Variants in TTBK1 observed in about 807,000 individuals in gnomAD.
TTBK1 encodes tau tubulin kinase 1.
TTBK1 carries 34 observed loss-of-function variants against 108.5 expected under a neutral mutation model. The ratio of observed to expected loss-of-function variants is 0.31; its 90% confidence interval spans 0.24 to 0.42. The LOEUF (loss-of-function observed/expected upper bound fraction) is 0.42. Ranked by LOEUF, TTBK1 falls within the 10% of genes least tolerant of loss-of-function variation. The probability of loss-of-function intolerance (pLI) is 1.00; values close to 1 mark genes in which losing one functional copy is unlikely to be tolerated. For synonymous variants in TTBK1, 809 were observed against 795.1 expected (o/e 1.02, Z -0.29); for missense variants, 1,539 against 1,826.0 (o/e 0.84, Z 2.86).
chr6:43,283,754 C>T lies in TTBK1; in HGVS notation c.3014C>T (p.Thr1005Ile), dbSNP rs756892469. ...GCCCTGTCTGGGGCCCCCCGGGAAA[C>T]CCCCTCAGAGATGGCCACAAACTCA... Reference protein sequence around the residue: ...GSALSGAPRETPSEMATNSLP... With the variant: ...GSALSGAPREIPSEMATNSLP... The change falls in exon 14 of 15, where the codon ACC becomes ATC. Residue 1005 changes from threonine to isoleucine, a missense_variant. Coordinates refer to ENST00000259750, the MANE Select transcript of TTBK1 (RefSeq NM_032538.3). The surrounding 1 kb of genome is among the most constrained non-coding windows in gnomAD (Gnocchi z 8.1). 6 of 1,613,668 alleles carry T rather than the reference C, an allele frequency of 3.7e-6. No homozygotes were observed. The highest frequency in any genetic ancestry group is 3.3e-5 in the South Asian group (3 of 91,092).
In TTBK1 at chr6:43,287,562, T is replaced by A. The variant is rs1309374892; in HGVS notation, c.*2186T>A. ...TTGGGATTCCAAACCTCCCTAGGGCTCCCAACTGACCTCAGGCCTCTGAGT... is the reference window on the plus strand; with the variant it reads ...TTGGGATTCCAAACCTCCCTAGGGCACCCAACTGACCTCAGGCCTCTGAGT... On this transcript the variant is annotated 3_prime_UTR_variant, in exon 15 of 15. Transcript: ENST00000259750. This position sits in a 1 kb window ranked among gnomAD's most constrained non-coding sequence, Gnocchi z 4.1. 1 of 151,728 alleles carries A rather than the reference T, an allele frequency of 6.6e-6. No homozygotes were observed. Among genetic ancestry groups the A allele is most frequent in the Non-Finnish European group, 1.5e-5 (1 of 67,934 alleles). 9.4% of individuals were successfully genotyped at this position (151,728 alleles called of 1,614,324 possible).
rs780428200 is a variant in TTBK1 at position 43,255,077 on chromosome 6, C to T, written c.605C>T (p.Thr202Met). The T allele has an allele frequency of 1.2e-6, 2 of 1,607,064 alleles. No individual in the cohort carries two copies. Among genetic ancestry groups the T allele is most frequent in the Admixed American group, 1.7e-5 (1 of 59,568 alleles). The change falls in exon 7 of 15, where the codon ACG becomes ATG. Residue 202 changes from threonine to methionine, a missense_variant. Transcript: ENST00000259750. Reference protein sequence around the residue: ...PPRNVAGFRGTVRYASVNAHK... With the variant: ...PPRNVAGFRGMVRYASVNAHK... ...CGGAATGTGGCCGGGTTTCGAGGAA[C>T]GGTTCGCTATGCCTCAGTCAATGCC...
At chr6:43,247,252 C>A (rs1293640875) in intron 2 of TTBK1, among the ~76,000 whole-genome samples, 1 of 152,218 alleles carries the variant, frequency 6.6e-6, no homozygotes, top group African/African-American at 2.4e-5. Flanking sequence ...GCCTCCTCCC[C>A]TCGCCGGGTC....
At chr6:43,261,652 TA>T (rs1208989317) in intron 12 of TTBK1, among the ~76,000 whole-genome samples, 1 of 151,780 alleles carries the variant, frequency 6.6e-6, no homozygotes, top group Non-Finnish European at 1.5e-5. Context: ...CCATCTCTAC[TA>T]AAAATACAAA....
chr6:43,263,232 G>T lies in TTBK1; in HGVS notation c.1868G>T (p.Gly623Val), dbSNP rs3800294. 252 of 1,570,220 alleles carry T rather than the reference G, an allele frequency of 1.6e-4. No homozygotes were observed. In the African/African-American group the frequency reaches 2.9e-3, roughly 18 times the overall value. ...CCCCTGCCACCCCAGCTGAGCCAGGGCGATGGCCGTTCCGAGACGTCACAG... is the reference window on the plus strand; with the variant it reads ...CCCCTGCCACCCCAGCTGAGCCAGGTCGATGGCCGTTCCGAGACGTCACAG... ...PQPLPPQLSQGDGRSETSQPP... is the reference protein window; with the variant it reads ...PQPLPPQLSQVDGRSETSQPP... Residue 623 changes from glycine (G) to valine (V), a missense_variant, in exon 13 of 15, where the codon GGC becomes GTC. Around this residue, in one of 5 missense-constraint regions of TTBK1, gnomAD observed 1,055 missense variants for 1,086.5 expected, o/e 0.97. Coordinates refer to ENST00000259750, the MANE Select transcript of TTBK1 (RefSeq NM_032538.3). This position sits in a 1 kb window ranked among gnomAD's most constrained non-coding sequence, Gnocchi z 4.7.
intron 10 of TTBK1, among the ~76,000 whole-genome samples, chr6:43,258,627 G>A (rs1247115906): frequency 6.6e-6 from 1 of 152,120 alleles, no homozygotes; most frequent in Admixed American, 6.6e-5. Flanking sequence ...TATATTCAGG[G>A]CAACTTCAAT....
rs1475414200 is a variant in TTBK1, at chr6:43,270,029, A to G, written c.1986+6679A>G. On this transcript the variant is annotated intron_variant, in intron 13 of 14. Transcript: ENST00000259750. ...CAGAGGACCATGGTTCCTTCCCAGG[A>G]CGCAATAATCACACACTCACACATC... is the stretch of plus-strand genomic sequence containing the variant. 1.9e-5 allele frequency: 27 copies of G among 1,423,780 alleles called. No homozygotes were observed. The Admixed American group carries it at 8.0e-4, about 42-fold the overall frequency. The allele number at this position is 1,423,780 out of a possible 1,614,324, so 88.2% of individuals were successfully genotyped here. A position where few individuals can be genotyped will look rare whatever the true frequency, so the allele number is the denominator to read the frequency against.
intron 12 of TTBK1, among the ~76,000 whole-genome samples, chr6:43,260,259 G>A (rs899701739): frequency 6.6e-6 from 1 of 152,164 alleles, no homozygotes; most frequent in Non-Finnish European, 1.5e-5. Flanking sequence ...GAGGGTGGGA[G>A]AATGGTCTGT....
chr6:43,267,063 C>T (rs1456967695), intron 13 of TTBK1, among the ~76,000 whole-genome samples: 1 of 149,078 alleles, frequency 6.7e-6, no homozygotes, highest in Non-Finnish European at 1.5e-5. Flanking sequence ...TCTGTGCATA[C>T]CCACTGTCTG....
rs1712684267 is a variant in TTBK1, at chr6:43,259,466, TGAG to T, written c.1249-61_1249-59del. 1 of 1,472,102 alleles carries T rather than the reference TGAG, an allele frequency of 6.8e-7. No individual in the cohort carries two copies. Among genetic ancestry groups the T allele is most frequent in the African/African-American group, 1.4e-5 (1 of 70,988 alleles). 91.2% of individuals were successfully genotyped at this position (1,472,102 alleles called of 1,614,324 possible). Reference sequence around the variant, plus strand: ...TCATCATCCTCTGTCTCCTTCACCCTGAGGAGACCATCCGCCCACAGCCGCCTC... The same window carrying T: ...TCATCATCCTCTGTCTCCTTCACCCTGAGACCATCCGCCCACAGCCGCCTC... On this transcript the variant is annotated intron_variant, in intron 11 of 14. Coordinates refer to ENST00000259750, the MANE Select transcript of TTBK1 (RefSeq NM_032538.3). This position sits in a 1 kb window ranked among gnomAD's most constrained non-coding sequence, Gnocchi z 6.7.
At chr6:43,264,694 A>T (rs945142393) in intron 13 of TTBK1, among the ~76,000 whole-genome samples, 1 of 152,180 alleles carries the variant, frequency 6.6e-6, no homozygotes, top group Admixed American at 6.5e-5. Context: ...AAATCAGGGC[A>T]GGAGAGGTCT....
Position 43,269,132 on chromosome 6 carries a change from C to A in TTBK1, c.1986+5782C>A, listed in dbSNP as rs912600608. ...AGTACCACCTTATGCCGCATGGTCACCCCGATCCCAACACCTCCCTGTGAT... is the reference window on the plus strand; with the variant it reads ...AGTACCACCTTATGCCGCATGGTCAACCCGATCCCAACACCTCCCTGTGAT... On this transcript the variant is annotated intron_variant, in intron 13 of 14. Transcript: ENST00000259750. The surrounding 1 kb of genome is among the most constrained non-coding windows in gnomAD (Gnocchi z 4.8). 4.6e-5 allele frequency among the ~76,000 whole-genome samples: 7 copies of A among 152,230 alleles called. No homozygotes were observed. The highest frequency in any genetic ancestry group is 1.7e-4 in the African/African-American group (7 of 41,462).
At position 43,284,880 on chromosome 6, in the gene TTBK1, G is replaced by C. The variant is rs1026427363; in HGVS notation, c.3573-103G>C. ...CCATGGTCTCAGTCTCAGCTCTGAGGATGCCGGACTCCAGTGCTCAGTGCC... is the reference window on the plus strand; with the variant it reads ...CCATGGTCTCAGTCTCAGCTCTGAGCATGCCGGACTCCAGTGCTCAGTGCC... On this transcript the variant is annotated intron_variant, in intron 14 of 14. Transcript: ENST00000259750. 8 of 1,392,692 alleles carry C rather than the reference G, an allele frequency of 5.7e-6. No homozygotes were observed. The African/African-American group carries it at 1.2e-4, about 21-fold the overall frequency. 86.3% of individuals were successfully genotyped at this position (1,392,692 alleles called of 1,614,324 possible). A position where few individuals can be genotyped will look rare whatever the true frequency, so the allele number is the denominator to read the frequency against.
intron 13 of TTBK1, chr6:43,270,245 C>T (rs1293447752): frequency 1.6e-6 from 2 of 1,223,220 alleles, no homozygotes; most frequent in African/African-American, 1.6e-5. Context: ...TCAGCTGGAG[C>T]CACTGATGGG....
At chr6:43,250,725 CCTT>C (rs1171320404) in intron 2 of TTBK1, among the ~76,000 whole-genome samples, 1 of 152,174 alleles carries the variant, frequency 6.6e-6, no homozygotes, top group African/African-American at 2.4e-5. Flanking sequence ...CCTCAGTTCT[CCTT>C]CTGTGCAAAA....
chr6:43,272,513 C>A (rs767065870), intron 13 of TTBK1: 18 of 985,314 alleles, frequency 1.8e-5, no homozygotes, highest in Non-Finnish European at 2.2e-5. Context: ...AGGGTGTGTC[C>A]TTTAAAGCAA....
chr6:43,250,220 C>T (rs866991079), intron 2 of TTBK1, among the ~76,000 whole-genome samples: 1 of 152,054 alleles, frequency 6.6e-6, no homozygotes, highest in African/African-American at 2.4e-5. Flanking sequence ...GCAATGATTT[C>T]GGAGCCTGGC....
intron 13 of TTBK1, chr6:43,272,484 G>A: frequency 1.0e-6 from 1 of 985,432 alleles, no homozygotes; most frequent in Non-Finnish European, 1.2e-6. Flanking sequence ...CCCCACCTCA[G>A]AACTGACACC....
At position 43,257,264 on chromosome 6, in the gene TTBK1, G is replaced by A. The variant is rs1329399216; in HGVS notation, c.862-548G>A. Among the ~76,000 whole-genome samples, 3 of 152,210 alleles carry A rather than the reference G, an allele frequency of 2.0e-5. No homozygotes were observed. The highest frequency in any genetic ancestry group is 1.3e-4 in the Admixed American group (2 of 15,286). On this transcript the variant is annotated intron_variant, in intron 9 of 14. Coordinates refer to ENST00000259750, the MANE Select transcript of TTBK1 (RefSeq NM_032538.3). This position sits in a 1 kb window ranked among gnomAD's most constrained non-coding sequence, Gnocchi z 4.5. Reference sequence around the variant, plus strand: ...ATGGGATCCCCAAAGCCACACAGCTGCGAGCACCCCCCAGGCTGGGGCCCT... The same window carrying A: ...ATGGGATCCCCAAAGCCACACAGCTACGAGCACCCCCCAGGCTGGGGCCCT...
Sources: gnomAD v4.1 joint callset for allele counts (sites outside exome capture counted in the v4.1 genomes callset) on GRCh38, gnomAD v4.1.1 for gene constraint, gnomAD v4.1.1 regional missense constraint, Gnocchi (gnomAD v3.1) non-coding constraint, MANE v1.5 for transcripts, NCBI Gene and HGNC (gene_info 2026-07-23, HGNC 2026-07-21) for gene names.